The following PRMT8 variants were observed in gnomAD, a reference collection of about 807,000 sequenced individuals.
PRMT8 encodes the protein protein arginine N-methyltransferase 8.
PRMT8 carries 7 observed loss-of-function variants against 47.1 expected under a neutral mutation model. The observed-to-expected ratio is 0.15, with a 90% CI of 0.08 to 0.28. The LOEUF (loss-of-function observed/expected upper bound fraction) is 0.28, where lower values mean the gene tolerates loss of function less well. Ranked by LOEUF, PRMT8 falls within the 10% of genes least tolerant of loss-of-function variation. The pLI, the probability that PRMT8 is intolerant of heterozygous loss-of-function variation, is 1.00. For missense variants in PRMT8, 237 were observed against 505.4 expected, an observed-to-expected ratio of 0.47 and a Z score of 5.09; for synonymous variants, 188 against 186.5, an observed-to-expected ratio of 1.01 and a Z score of -0.07.
intron 1 of PRMT8, among the ~76,000 whole-genome samples, chr12:3,494,883 G>A (rs1249641380): frequency 6.6e-6 from 1 of 152,136 alleles, no homozygotes; most frequent in East Asian, 1.9e-4. Context: ...AATAGGGCAG[G>A]TATGGGTATA....
chr12:3,571,034 G>A (rs893219289), intron 6 of PRMT8, among the ~76,000 whole-genome samples: 1 of 152,236 alleles, frequency 6.6e-6, no homozygotes. Context: ...TCAGTTAAGG[G>A]ATAATTTTCT....
At chr12:3,586,259 G>A (rs984404439) in intron 8 of PRMT8, among the ~76,000 whole-genome samples, 2 of 152,152 alleles carry the variant, frequency 1.3e-5, no homozygotes, top group African/African-American at 4.8e-5. Flanking sequence ...CTCACATCCA[G>A]AATCAAGACA....
intron 1 of PRMT8, among the ~76,000 whole-genome samples, chr12:3,515,787 G>A (rs114396234): frequency 0.015 from 2,217 of 152,318 alleles, 50 homozygotes; most frequent in African/African-American, 0.049. Flanking sequence ...CTGCGAAACA[G>A]GCTGCCTTGA....
intron 1 of PRMT8, among the ~76,000 whole-genome samples, chr12:3,390,328 T>C (rs1324618236): frequency 6.6e-6 from 1 of 152,262 alleles, no homozygotes; most frequent in African/African-American, 2.4e-5. Context: ...TTCTGGCTGC[T>C]GTTTTCTGTT....
At chr12:3,558,822 A>G (rs1181968575) in intron 4 of PRMT8, among the ~76,000 whole-genome samples, 1 of 152,222 alleles carries the variant, frequency 6.6e-6, no homozygotes, top group African/African-American at 2.4e-5. Flanking sequence ...TGGGGAAGGC[A>G]GTGTCTGCTG....
rs1864974396 is a variant in PRMT8, at chr12:3,456,473, C to T, written c.48+75031C>T. On this transcript the variant is annotated intron_variant, in intron 1 of 9. Coordinates refer to the PRMT8 transcript ENST00000452611. This position sits in a 1 kb window ranked among gnomAD's most constrained non-coding sequence, Gnocchi z 4.2. Reference sequence around the variant, plus strand: ...CTCTGAAGCCACAAGCAAAACTCCTCTCCCAGGTGGGAGGGCAGGACCCAC... The same window carrying T: ...CTCTGAAGCCACAAGCAAAACTCCTTTCCCAGGTGGGAGGGCAGGACCCAC... 6.6e-6 allele frequency among the ~76,000 whole-genome samples: 1 copy of T among 152,230 alleles called. No homozygotes were observed. The highest frequency in any genetic ancestry group is 6.5e-5 in the Admixed American group (1 of 15,286).
intron 1 of PRMT8, among the ~76,000 whole-genome samples, chr12:3,465,742 G>C (rs1865091502): frequency 6.6e-6 from 1 of 152,218 alleles, no homozygotes; most frequent in Non-Finnish European, 1.5e-5. Flanking sequence ...GGGTGGGTTT[G>C]AGGACGACTT....
chr12:3,565,003 T>C (rs879191988), intron 4 of PRMT8, among the ~76,000 whole-genome samples: 1 of 152,236 alleles, frequency 6.6e-6, no homozygotes, highest in Admixed American at 6.5e-5. Context: ...GGAAGAATAT[T>C]CATGGTGATT....
intron 1 of PRMT8, among the ~76,000 whole-genome samples, chr12:3,515,304 C>T (rs1291501887): frequency 6.6e-6 from 1 of 152,206 alleles, no homozygotes; most frequent in Admixed American, 6.5e-5. Context: ...TAGGTCCACC[C>T]TCCACCTGCT....
intron 7 of PRMT8, among the ~76,000 whole-genome samples, chr12:3,578,603 A>T (rs542600438): frequency 6.6e-6 from 1 of 152,334 alleles, no homozygotes; most frequent in South Asian, 2.1e-4. Context: ...TCCTGCACGC[A>T]TCATTCTTTT....
intron 1 of PRMT8, among the ~76,000 whole-genome samples, chr12:3,399,609 T>C (rs2137050216): frequency 6.6e-6 from 1 of 152,304 alleles, no homozygotes; most frequent in South Asian, 2.1e-4. Context: ...ATGATGTCCT[T>C]GGAGGAGTCA....
intron 1 of PRMT8, among the ~76,000 whole-genome samples, chr12:3,395,507 T>A (rs1169547608): frequency 6.6e-6 from 1 of 152,042 alleles, no homozygotes; most frequent in South Asian, 2.1e-4. Context: ...TCAGTTTCCA[T>A]GTAGTTGAGT....
intron 1 of PRMT8, among the ~76,000 whole-genome samples, chr12:3,530,775 C>T (rs1324249658): frequency 6.6e-6 from 1 of 152,212 alleles, no homozygotes; most frequent in Non-Finnish European, 1.5e-5. Context: ...AAGATAGCAC[C>T]CTGGCACAGA....
Position 3,593,248 on chromosome 12 carries a change from C to A in PRMT8, c.*66C>A. The stretch of plus-strand genomic sequence containing the variant: ...CTCACCTCGATCTGCCGTGCCGTCC[C>A]AAAGAATACCGTTTGCAGGACTACA... On this transcript the variant is annotated 3_prime_UTR_variant, in exon 10 of 10. Transcript: ENST00000382622. This position sits in a 1 kb window ranked among gnomAD's most constrained non-coding sequence, Gnocchi z 4.8. 7.4e-7 allele frequency: 1 copy of A among 1,345,994 alleles called. No individual in the cohort carries two copies. Among genetic ancestry groups the A allele is most frequent in the Non-Finnish European group, 1.0e-6 (1 of 952,598 alleles). 83.4% of individuals were successfully genotyped at this position (1,345,994 alleles called of 1,614,324 possible). A position where few individuals can be genotyped will look rare whatever the true frequency, so the allele number is the denominator to read the frequency against.
intron 1 of PRMT8, among the ~76,000 whole-genome samples, chr12:3,392,163 C>G (rs1381942133): frequency 6.6e-6 from 1 of 152,116 alleles, no homozygotes; most frequent in Non-Finnish European, 1.5e-5. Flanking sequence ...ACTTACACGT[C>G]AAGCTAAGAA....
chr12:3,451,033 A>ACCCCCC (rs71061115), intron 1 of PRMT8, among the ~76,000 whole-genome samples: 292 of 26,116 alleles, frequency 0.011, 118 homozygotes, highest in East Asian at 0.038. Context: ...TCTTGCTGAC[A>ACCCCCC]CCCCCCCCCC....
At chr12:3,510,558 A>T (rs577560322) in intron 1 of PRMT8, among the ~76,000 whole-genome samples, 13 of 152,300 alleles carry the variant, frequency 8.5e-5, no homozygotes, top group African/African-American at 3.1e-4. Flanking sequence ...TGAAAAAATT[A>T]AATTGAATTT....
rs879464406 is a variant in PRMT8 at position 3,572,771 on chromosome 12, C to G, written c.712+3207C>G. Reference sequence around the variant, plus strand: ...TGTTCTATTTTTCTCTGACCTCATTCTGAGGCAGTCCCATTAGCCTCATCA... The same window carrying G: ...TGTTCTATTTTTCTCTGACCTCATTGTGAGGCAGTCCCATTAGCCTCATCA... On this transcript the variant is annotated intron_variant, in intron 6 of 9. Transcript: ENST00000382622. This position sits in a 1 kb window ranked among gnomAD's most constrained non-coding sequence, Gnocchi z 5.9. Among the ~76,000 whole-genome samples the G allele has an allele frequency of 6.6e-6, 1 of 152,208 alleles. No individual in the cohort carries two copies. The highest frequency in any genetic ancestry group is 1.5e-5 in the Non-Finnish European group (1 of 68,034).
At chr12:3,480,981 G>A (rs1446518284) in intron 1 of PRMT8, among the ~76,000 whole-genome samples, 1 of 152,204 alleles carries the variant, frequency 6.6e-6, no homozygotes, top group East Asian at 1.9e-4. Context: ...AGGTGGTGGC[G>A]GTCTAGAGGA....
Sources: allele counts gnomAD v4.1 joint callset (sites outside exome capture counted in the v4.1 genomes callset), GRCh38; gene constraint gnomAD v4.1.1; non-coding constraint Gnocchi (gnomAD v3.1); transcripts MANE v1.5; gene names NCBI Gene and HGNC (gene_info 2026-07-23, HGNC 2026-07-21).